ASCC3: variants seen among roughly 807,000 people sequenced by gnomAD.
ASCC3 encodes activating signal cointegrator 1 complex subunit 3, also known as ASC-1 complex subunit P200.
In ASCC3, 158 loss-of-function variants were observed where a neutral mutation model predicts 256.3. The observed-to-expected ratio is 0.62, with a 90% CI of 0.54 to 0.70. ASCC3 has a LOEUF of 0.70. ASCC3 is among the 30% of genes least tolerant of loss of function. ASCC3 has a pLI of 0.00. For synonymous variants in ASCC3, 948 were observed against 883.4 expected (o/e 1.07, Z -1.30); for missense variants, 2,259 against 2,626.0 (o/e 0.86, Z 3.05).
At chr6:100,865,376 T>C (rs1773427990) in intron 2 of ASCC3, among the ~76,000 whole-genome samples, 1 of 152,218 alleles carries the variant, frequency 6.6e-6, no homozygotes, top group South Asian at 2.1e-4. Context: ...CACTTTTAAA[T>C]TTTAAAATCT....
intron 36 of ASCC3, among the ~76,000 whole-genome samples, chr6:100,549,997 C>T (rs1425731682): frequency 2.0e-5 from 3 of 151,820 alleles, no homozygotes; most frequent in Non-Finnish European, 4.4e-5. Flanking sequence ...GAGGTTTAAG[C>T]TTCAGGGATG....
intron 36 of ASCC3, among the ~76,000 whole-genome samples, chr6:100,557,867 C>T (rs1392717597): frequency 1.3e-5 from 2 of 151,398 alleles, no homozygotes; most frequent in African/African-American, 4.9e-5. Context: ...TTATTTGTAA[C>T]ACATAAAATA....
intron 8 of ASCC3, among the ~76,000 whole-genome samples, chr6:100,773,950 T>C (rs1254363119): frequency 6.6e-6 from 1 of 152,216 alleles, no homozygotes; most frequent in Non-Finnish European, 1.5e-5. Flanking sequence ...TTCTTTGTTT[T>C]TGAAGGTTAT....
At chr6:100,852,023 G>C (rs1200967965) in intron 3 of ASCC3, among the ~76,000 whole-genome samples, 1 of 152,214 alleles carries the variant, frequency 6.6e-6, no homozygotes, top group African/African-American at 2.4e-5. Context: ...GTAGGCGTAA[G>C]AGACTGGCTG....
chr6:100,667,464 AG>A (rs1776536350), intron 14 of ASCC3, among the ~76,000 whole-genome samples: 1 of 152,142 alleles, frequency 6.6e-6, no homozygotes, highest in African/African-American at 2.4e-5. Flanking sequence ...CAAGTTTTTA[AG>A]CAGTATCAGA....
chr6:100,535,637 T>G (rs149977858), intron 37 of ASCC3, among the ~76,000 whole-genome samples: 2,486 of 152,008 alleles, frequency 0.016, 59 homozygotes, highest in African/African-American at 0.057. Flanking sequence ...CCCGGCTAAT[T>G]CTTGTATTTT....
chr6:100,802,194 C>A (rs960138365), intron 5 of ASCC3, among the ~76,000 whole-genome samples: 1 of 151,848 alleles, frequency 6.6e-6, no homozygotes, highest in Non-Finnish European at 1.5e-5. Flanking sequence ...GTATGGTTCT[C>A]CTTGCTGGGT....
intron 14 of ASCC3, among the ~76,000 whole-genome samples, chr6:100,671,883 A>T (rs868392658): frequency 6.6e-6 from 1 of 152,074 alleles, no homozygotes; most frequent in South Asian, 2.1e-4. Context: ...CAAGCAACTG[A>T]GGGTATTACA....
intron 30 of ASCC3, among the ~76,000 whole-genome samples, chr6:100,611,551 C>A (rs1447707577): frequency 6.6e-6 from 1 of 151,946 alleles, no homozygotes; most frequent in African/African-American, 2.4e-5. Context: ...TTGTGTTTAT[C>A]ACTTTACAAA....
chr6:100,737,527 A>G (rs976891814), intron 10 of ASCC3, among the ~76,000 whole-genome samples: 1 of 151,752 alleles, frequency 6.6e-6, no homozygotes, highest in Non-Finnish European at 1.5e-5. Context: ...GTGGCTTCCA[A>G]CTCCATCCAT....
At chr6:100,599,141 AGCAG>A (rs1221985772) in intron 34 of ASCC3, among the ~76,000 whole-genome samples, 1 of 152,236 alleles carries the variant, frequency 6.6e-6, no homozygotes, top group Non-Finnish European at 1.5e-5. Context: ...CTTGATAGAC[AGCAG>A]ATTATAGCCA....
chr6:100,624,945 A>G (rs530308113), intron 30 of ASCC3, among the ~76,000 whole-genome samples: 3 of 152,152 alleles, frequency 2.0e-5, no homozygotes, highest in Non-Finnish European at 4.4e-5. Context: ...AAGAATATGA[A>G]AATGATTGAA....
At chr6:100,686,700 T>A (rs181831620) in intron 13 of ASCC3, among the ~76,000 whole-genome samples, 25 of 152,294 alleles carry the variant, frequency 1.6e-4, no homozygotes, top group Non-Finnish European at 5.9e-5. Context: ...ATACAGAGTA[T>A]AACTCTGTAC....
chr6:100,857,480 C>T (rs959847828), intron 3 of ASCC3: 2 of 152,030 alleles, frequency 1.3e-5, no homozygotes, highest in African/African-American at 4.8e-5. Context: ...CACTCTTTTA[C>T]ATCTTTTAGA....
rs529699761 is a variant in ASCC3 at position 100,568,934 on chromosome 6, T to C, written c.5550+20700A>G. ...CTGGGACTACGGGCACCCGCCACCATGCCCAGCTAATTTTTTTTGTGTTTT... is the reference window on the plus strand; with the variant it reads ...CTGGGACTACGGGCACCCGCCACCACGCCCAGCTAATTTTTTTTGTGTTTT... On this transcript the variant is annotated intron_variant, in intron 36 of 41. Coordinates refer to ENST00000369162, the MANE Select transcript of ASCC3 (RefSeq NM_006828.4). Among the ~76,000 whole-genome samples the C allele has an allele frequency of 2.7e-3, 404 of 151,834 alleles. 2 individuals are homozygous for C. The highest frequency in any genetic ancestry group is 8.7e-3 in the African/African-American group (359 of 41,442).
chr6:100,615,959 A>G (rs1324703200), intron 30 of ASCC3, among the ~76,000 whole-genome samples: 1 of 152,190 alleles, frequency 6.6e-6, no homozygotes, highest in Non-Finnish European at 1.5e-5. Context: ...ACCATGAACT[A>G]AATTTATTTT....
chr6:100,820,702 A>G (rs1390888115), intron 4 of ASCC3, among the ~76,000 whole-genome samples: 1 of 125,002 alleles, frequency 8.0e-6, no homozygotes, highest in African/African-American at 2.8e-5. Context: ...TGAAAAGGTA[A>G]CCCACAGAAT....
intron 36 of ASCC3, among the ~76,000 whole-genome samples, chr6:100,586,699 C>G (rs1771708021): frequency 6.6e-6 from 1 of 152,126 alleles, no homozygotes; most frequent in East Asian, 1.9e-4. Flanking sequence ...AGCTGTAGAC[C>G]TGAGCTGTTC....
In ASCC3 at chr6:100,854,884, C is replaced by T. The variant is rs930760244; in HGVS notation, c.242-6177G>A. ...TTCCATTTTAGATTGTTTTAACATC[C>T]AAGGAAAAACAAACAAAAAAGATTA... On this transcript the variant is annotated intron_variant, in intron 3 of 41. Coordinates refer to ENST00000369162, the MANE Select transcript of ASCC3 (RefSeq NM_006828.4). 2.0e-5 allele frequency among the ~76,000 whole-genome samples: 3 copies of T among 152,084 alleles called. No homozygotes were observed. The East Asian group carries it at 5.8e-4, about 29-fold the overall frequency.
Sources: gnomAD v4.1 joint callset for allele counts (sites outside exome capture counted in the v4.1 genomes callset) on GRCh38, gnomAD v4.1.1 for gene constraint, MANE v1.5 for transcripts, NCBI Gene and HGNC (gene_info 2026-07-23, HGNC 2026-07-21) for gene names.